The following GRM5 variants were observed in gnomAD, a reference collection of about 807,000 sequenced individuals.
The protein encoded by GRM5 is metabotropic glutamate receptor 5.
Under a neutral mutation model 83.1 loss-of-function variants are expected in GRM5, and 19 were observed. That is an observed-to-expected ratio of 0.23 (90% CI 0.16 to 0.34). The LOEUF (loss-of-function observed/expected upper bound fraction) is 0.34. GRM5 is among the 10% of genes least tolerant of loss of function. The pLI, the probability that GRM5 is intolerant of heterozygous loss-of-function variation, is 1.00. For synonymous variants in GRM5, 675 were observed against 633.6 expected, an observed-to-expected ratio of 1.07 and a Z score of -0.98; for missense variants, 1,160 against 1,588.3, an observed-to-expected ratio of 0.73 and a Z score of 4.58.
intron 2 of GRM5, among the ~76,000 whole-genome samples, chr11:88,936,625 T>C (rs1937902996): frequency 1.3e-5 from 2 of 151,790 alleles, no homozygotes; most frequent in African/African-American, 4.8e-5. Flanking sequence ...ATACTTGATA[T>C]GAAGGATGGA....
At chr11:88,591,477 C>A (rs1937638473) in intron 6 of GRM5, among the ~76,000 whole-genome samples, 1 of 152,138 alleles carries the variant, frequency 6.6e-6, no homozygotes, top group African/African-American at 2.4e-5. Context: ...ATAGATGTAC[C>A]TTTTCTTCCC....
At chr11:88,993,656 C>A (rs562142861) in intron 2 of GRM5, among the ~76,000 whole-genome samples, 1 of 152,258 alleles carries the variant, frequency 6.6e-6, no homozygotes, top group African/African-American at 2.4e-5. Flanking sequence ...AAAGACCCCA[C>A]TGAAAAGATA....
At chr11:88,621,068 T>C (rs570836841) in intron 4 of GRM5, among the ~76,000 whole-genome samples, 1 of 152,314 alleles carries the variant, frequency 6.6e-6, no homozygotes, top group Admixed American at 6.5e-5. Flanking sequence ...CTCATTCACA[T>C]TACAGTATTT....
intron 3 of GRM5, among the ~76,000 whole-genome samples, chr11:88,730,162 A>G (rs1941775157): frequency 1.3e-5 from 2 of 152,150 alleles, no homozygotes; most frequent in Admixed American, 6.5e-5. Context: ...AGAATCTACA[A>G]AGAACTCAAA....
chr11:89,040,217 T>C (rs1366106427), intron 2 of GRM5, among the ~76,000 whole-genome samples: 1 of 152,172 alleles, frequency 6.6e-6, no homozygotes, highest in Non-Finnish European at 1.5e-5. Flanking sequence ...ATGTCAGTTA[T>C]CTTACTTTTA....
intron 2 of GRM5, among the ~76,000 whole-genome samples, chr11:89,043,902 C>A (rs1240530256): frequency 1.3e-5 from 2 of 152,134 alleles, no homozygotes; most frequent in Non-Finnish European, 2.9e-5. Context: ...GGTTCCAACA[C>A]AAACTAGGAA....
intron 3 of GRM5, among the ~76,000 whole-genome samples, chr11:88,793,878 T>C (rs1447685995): frequency 6.6e-6 from 1 of 152,158 alleles, no homozygotes; most frequent in Non-Finnish European, 1.5e-5. Flanking sequence ...GTGGCTAAAG[T>C]GTAGTGGTGT....
At chr11:88,972,756 T>G (rs1396252430) in intron 2 of GRM5, among the ~76,000 whole-genome samples, 1 of 152,124 alleles carries the variant, frequency 6.6e-6, no homozygotes, top group Non-Finnish European at 1.5e-5. Flanking sequence ...TAATGATTAT[T>G]TATTGATAAC....
chr11:88,643,360 C>G (rs947138171), intron 4 of GRM5, among the ~76,000 whole-genome samples: 2 of 152,102 alleles, frequency 1.3e-5, no homozygotes, highest in African/African-American at 4.8e-5. Context: ...GAACATATCC[C>G]CCATGATCTA....
intron 9 of GRM5, among the ~76,000 whole-genome samples, chr11:88,519,262 A>G (rs1941611201): frequency 6.6e-6 from 1 of 151,970 alleles, no homozygotes; most frequent in Admixed American, 6.6e-5. Flanking sequence ...CTTAAGTCTT[A>G]AGATGTGCTG....
chr11:89,048,032 C>T lies in GRM5; in HGVS notation c.-160G>A. The T allele has an allele frequency of 1.7e-6, 1 of 604,928 alleles. No individual in the cohort carries two copies. The highest frequency in any genetic ancestry group is 2.9e-6 in the Non-Finnish European group (1 of 342,534). 37.5% of individuals were successfully genotyped at this position (604,928 alleles called of 1,614,324 possible). ...TAAAGGACCATTTTGTCCCCATGTACCATTTAGTTAGATGATCCATGTGGT... is the reference window on the plus strand; with the variant it reads ...TAAAGGACCATTTTGTCCCCATGTATCATTTAGTTAGATGATCCATGTGGT... On this transcript the variant is annotated 5_prime_UTR_variant, in exon 2 of 10. An upstream open reading frame in the 5' UTR gains an earlier in-frame stop. Coordinates refer to ENST00000305447, the MANE Select transcript of GRM5 (RefSeq NM_001143831.3).
chr11:88,698,201 A>G (rs1302425056), intron 3 of GRM5, among the ~76,000 whole-genome samples: 1 of 152,164 alleles, frequency 6.6e-6, no homozygotes, highest in Non-Finnish European at 1.5e-5. Context: ...GGGTAAAGAC[A>G]AAAGTCCTGA....
intron 3 of GRM5, among the ~76,000 whole-genome samples, chr11:88,740,892 G>A (rs1414041716): frequency 6.6e-6 from 1 of 152,054 alleles, no homozygotes; most frequent in Non-Finnish European, 1.5e-5. Flanking sequence ...ACAGAGGTAA[G>A]TCCTAGTAAG....
chr11:88,785,737 T>C (rs1256364978), intron 3 of GRM5, among the ~76,000 whole-genome samples: 2 of 152,106 alleles, frequency 1.3e-5, no homozygotes, highest in Admixed American at 6.6e-5. Context: ...CAAATTTTTA[T>C]TGAACATTCT....
chr11:88,873,678 C>A (rs1944804739), intron 2 of GRM5, among the ~76,000 whole-genome samples: 1 of 151,272 alleles, frequency 6.6e-6, no homozygotes, highest in Admixed American at 6.6e-5. Flanking sequence ...AAAATGGAAA[C>A]CCAACATACC....
chr11:88,539,924 C>A (rs1485982074), intron 8 of GRM5, among the ~76,000 whole-genome samples: 1 of 152,188 alleles, frequency 6.6e-6, no homozygotes, highest in African/African-American at 2.4e-5. Context: ...AATTAAATAT[C>A]TGCCTGACTA....
chr11:89,061,626 A>G (rs748076850), intron 1 of GRM5, among the ~76,000 whole-genome samples: 2 of 152,218 alleles, frequency 1.3e-5, no homozygotes, highest in Non-Finnish European at 2.9e-5. Context: ...CTGGTTGGTT[A>G]TAATAGATAT....
rs1944861523 is a variant in GRM5, at chr11:88,876,841, T to TA, written c.662-26687dup. Among the ~76,000 whole-genome samples the TA allele has an allele frequency of 3.3e-5, 5 of 151,896 alleles. No individual in the cohort carries two copies. In the South Asian group the frequency reaches 8.3e-4, roughly 25 times the overall value. On this transcript the variant is annotated intron_variant, in intron 2 of 9. Coordinates refer to ENST00000305447, the MANE Select transcript of GRM5 (RefSeq NM_001143831.3). ...TGATTTGGGATTCCCTAAACACAGA[T>TA]AAAAAATGTGGTATATAAACACAAT...
At chr11:88,619,918 A>G (rs1409040107) in intron 4 of GRM5, among the ~76,000 whole-genome samples, 3 of 152,140 alleles carry the variant, frequency 2.0e-5, no homozygotes, top group Non-Finnish European at 2.9e-5. Context: ...TGCAATGAAA[A>G]AAAAAACTGC....
Sources: gnomAD v4.1 joint callset for allele counts (sites outside exome capture counted in the v4.1 genomes callset) on GRCh38, gnomAD v4.1.1 for gene constraint, MANE v1.5 for transcripts, NCBI Gene and HGNC (gene_info 2026-07-23, HGNC 2026-07-21) for gene names.